Variants in ZBP1 observed in about 807,000 individuals in gnomAD.
ZBP1 encodes Z-DNA-binding protein 1.
In ZBP1, 42 loss-of-function variants were observed where a neutral mutation model predicts 41.1. The ratio of observed to expected loss-of-function variants is 1.02; its 90% confidence interval spans 0.80 to 1.32. ZBP1 has a LOEUF of 1.32. ZBP1 is among the 40% of genes most tolerant of loss of function. The pLI is 0.00. For missense variants in ZBP1, 562 were observed against 549.7 expected (o/e 1.02, Z -0.22); for synonymous variants, 214 against 205.2 (o/e 1.04, Z -0.37).
rs1273528338 is a variant in ZBP1 at position 57,612,763 on chromosome 20, C to T, written c.670+400G>A. 4.9e-5 allele frequency: 18 copies of T among 367,244 alleles called. No homozygotes were observed. In the East Asian group the frequency reaches 1.1e-3, roughly 23 times the overall value. 22.7% of individuals were successfully genotyped at this position (367,244 alleles called of 1,614,324 possible). ...AAAGTAGCGTGTCTCAGAACAAATA[C>T]GGTACTACAATAACCTCCCCTGTAG... On this transcript the variant is annotated intron_variant, in intron 5 of 7. Transcript: ENST00000371173.
chr20:57,607,157 A>G, intron 7 of ZBP1: 2 of 1,304,302 alleles, frequency 1.5e-6, no homozygotes, highest in Non-Finnish European at 2.0e-6. Flanking sequence ...CTTCTGGAAA[A>G]GATCACCAAT....
chr20:57,606,144 A>G (rs988190136), intron 7 of ZBP1, among the ~76,000 whole-genome samples: 1 of 152,242 alleles, frequency 6.6e-6, no homozygotes, highest in African/African-American at 2.4e-5. Flanking sequence ...AGGATATTAA[A>G]AGTCTTACTT....
rs2070974336 is a variant in ZBP1 at position 57,620,261 on chromosome 20, C to T, written c.34+1G>A. 6.9e-6 allele frequency: 11 copies of T among 1,591,618 alleles called. No homozygotes were observed. Among genetic ancestry groups the T allele is most frequent in the East Asian group, 2.3e-5 (1 of 43,962 alleles). On this transcript the variant is annotated splice_donor_variant, in intron 1 of 7. Coordinates refer to ENST00000371173, the MANE Select transcript of ZBP1 (RefSeq NM_030776.3). LOFTEE classifies it high-confidence loss of function. ...GTCCTTGGAAGGAAGAAGTACTGTACCTTCTCTGCCCGGGTCAGCAGGAGC... is the reference window on the plus strand; with the variant it reads ...GTCCTTGGAAGGAAGAAGTACTGTATCTTCTCTGCCCGGGTCAGCAGGAGC...
intron 7 of ZBP1, among the ~76,000 whole-genome samples, chr20:57,609,592 C>T (rs374071792): frequency 1.7e-4 from 26 of 151,722 alleles, no homozygotes; most frequent in Admixed American, 1.1e-3. Context: ...GCCCAAGGGA[C>T]GACTCAGCAC....
At chr20:57,615,444 G>A in intron 3 of ZBP1, 68 bp downstream of exon 3, 1 of 1,539,764 alleles carries the variant, frequency 6.5e-7, no homozygotes. Context: ...TACCCTCAAG[G>A]AGGGCCTGGG....
intron 1 of ZBP1, 79 bp from the exon 2 acceptor site, chr20:57,616,547 G>A: frequency 1.3e-6 from 2 of 1,515,624 alleles, no homozygotes; most frequent in South Asian, 1.1e-5. Context: ...GGAGGCTCCA[G>A]GAGGCACGTA....
At chr20:57,618,434 C>T (rs1232964319) in intron 1 of ZBP1, among the ~76,000 whole-genome samples, 1 of 152,146 alleles carries the variant, frequency 6.6e-6, no homozygotes, top group African/African-American at 2.4e-5. Context: ...ATGGTTACAA[C>T]GCTGACCGGC....
At chr20:57,619,574 A>C (rs2070943720) in intron 1 of ZBP1, among the ~76,000 whole-genome samples, 1 of 152,194 alleles carries the variant, frequency 6.6e-6, no homozygotes, top group Non-Finnish European at 1.5e-5. Flanking sequence ...AGGGGGAACA[A>C]AGGCACACAT....
rs1245897393 is a variant in ZBP1, at chr20:57,613,033, G to T, written c.670+130C>A. On this transcript the variant is annotated intron_variant, in intron 5 of 7. Coordinates refer to ENST00000371173, the MANE Select transcript of ZBP1 (RefSeq NM_030776.3). The surrounding 1 kb of genome is among the most constrained non-coding windows in gnomAD (Gnocchi z 4.5). ...ACGGCCGTAAAGGTGGACTGTGGGGGTCTGGAAGCAACCCTTTCCCCTTGG... is the reference window on the plus strand; with the variant it reads ...ACGGCCGTAAAGGTGGACTGTGGGGTTCTGGAAGCAACCCTTTCCCCTTGG... 3.2e-5 allele frequency: 48 copies of T among 1,521,854 alleles called. No individual in the cohort carries two copies. The highest frequency in any genetic ancestry group is 4.1e-5 in the Non-Finnish European group (46 of 1,134,792). 94.3% of individuals were successfully genotyped at this position (1,521,854 alleles called of 1,614,324 possible).
intron 2 of ZBP1, 68 bp from the exon 3 acceptor site, chr20:57,615,648 G>T: frequency 7.0e-7 from 1 of 1,436,128 alleles, no homozygotes; most frequent in Non-Finnish European, 9.6e-7. Flanking sequence ...ACCCCACAAA[G>T]GTGGGCAGCT....
At chr20:57,619,368 C>A (rs1202424813) in intron 1 of ZBP1, among the ~76,000 whole-genome samples, 2 of 152,214 alleles carry the variant, frequency 1.3e-5, no homozygotes, top group Admixed American at 1.3e-4. Flanking sequence ...ACAGTAATAA[C>A]TACTTCAAAG....
At chr20:57,616,517 C>G (rs757620498) in intron 1 of ZBP1, 49 bp from the exon 2 acceptor site, 1 of 1,603,030 alleles carries the variant, frequency 6.2e-7, no homozygotes, top group Non-Finnish European at 8.5e-7. Flanking sequence ...CTCCCAGGTC[C>G]CCACAGTTGA....
intron 1 of ZBP1, among the ~76,000 whole-genome samples, chr20:57,618,388 G>A (rs963220257): frequency 1.3e-5 from 2 of 152,224 alleles, no homozygotes; most frequent in South Asian, 4.1e-4. Context: ...CACAGCACTT[G>A]TAGGGGAGGG....
At chr20:57,619,928 C>T (rs1339902669) in intron 1 of ZBP1, among the ~76,000 whole-genome samples, 6 of 152,060 alleles carry the variant, frequency 3.9e-5, no homozygotes, top group African/African-American at 1.4e-4. Flanking sequence ...CTTCCACCTC[C>T]CGGGTTCAAG....
chr20:57,614,860 C>T (rs750338445), intron 4 of ZBP1, 27 bp downstream of exon 4: 10 of 1,612,844 alleles, frequency 6.2e-6, no homozygotes, highest in Admixed American at 1.7e-5. Flanking sequence ...CCCTCTGCAG[C>T]CCAGACACAG....
rs200089961 is a variant in ZBP1 at position 57,610,924 on chromosome 20, C to T, written c.875-557G>A. ...ACAGATGCTTCCCTGGTCTCACCAG[C>T]CTGGCCCCTCTCTGGAGACTCCTTT... On this transcript the variant is annotated intron_variant, in intron 6 of 7. Coordinates refer to ENST00000371173, the MANE Select transcript of ZBP1 (RefSeq NM_030776.3). The surrounding 1 kb of genome is among the most constrained non-coding windows in gnomAD (Gnocchi z 5.5). 4.6e-5 allele frequency among the ~76,000 whole-genome samples: 7 copies of T among 152,154 alleles called. No homozygotes were observed. The East Asian group carries it at 1.3e-3, about 29-fold the overall frequency.
At position 57,610,661 on chromosome 20, in the gene ZBP1, C is replaced by T; in HGVS notation, c.875-294G>A. On this transcript the variant is annotated intron_variant, in intron 6 of 7. Transcript: ENST00000371173. This position sits in a 1 kb window ranked among gnomAD's most constrained non-coding sequence, Gnocchi z 5.5. ...TCTTCCTCTGGGATTCAGCTCCTCT[C>T]TCCTCTGCTGCCTGCTTCCCACTGC... 1 of 496,576 alleles carries T rather than the reference C, an allele frequency of 2.0e-6. No homozygotes were observed. The highest frequency in any genetic ancestry group is 2.2e-5 in the South Asian group (1 of 44,466). The allele number at this position is 496,576 out of a possible 1,614,324, so 30.8% of individuals were successfully genotyped here. A position where few individuals can be genotyped will look rare whatever the true frequency, so the allele number is the denominator to read the frequency against.
intron 7 of ZBP1, among the ~76,000 whole-genome samples, chr20:57,606,474 T>C (rs565474037): frequency 5.6e-4 from 86 of 152,350 alleles, no homozygotes; most frequent in African/African-American, 2.0e-3. Context: ...GCTAAGATCA[T>C]TGATGAGCGT....
At chr20:57,607,309 G>C in intron 7 of ZBP1, 1 of 1,292,540 alleles carries the variant, frequency 7.7e-7, no homozygotes, top group Non-Finnish European at 1.0e-6. Flanking sequence ...AACTGCAAAT[G>C]TGGTGGAAAT....
Sources: gnomAD v4.1 joint callset for allele counts (sites outside exome capture counted in the v4.1 genomes callset) on GRCh38, gnomAD v4.1.1 for gene constraint, Gnocchi (gnomAD v3.1) non-coding constraint, MANE v1.5 for transcripts, NCBI Gene and HGNC (gene_info 2026-07-23, HGNC 2026-07-21) for gene names.